Variants in VPS41 observed in about 807,000 individuals in gnomAD.
VPS41 encodes the protein vacuolar protein sorting-associated protein 41 homolog.
Under a neutral mutation model 130.9 loss-of-function variants are expected in VPS41, and 85 were observed. That is an observed-to-expected ratio of 0.65 (90% CI 0.55 to 0.78). The LOEUF (loss-of-function observed/expected upper bound fraction) is 0.78, where lower values mean the gene tolerates loss of function less well. VPS41 is among the 30% of genes least tolerant of loss of function. VPS41 has a pLI of 0.00. For synonymous variants in VPS41, 335 were observed against 332.9 expected (o/e 1.01, Z -0.07); for missense variants, 874 against 1,018.7 (o/e 0.86, Z 1.93).
intron 27 of VPS41, chr7:38,728,273 G>T (rs1795587400): frequency 1.7e-6 from 1 of 603,672 alleles, no homozygotes; most frequent in African/African-American, 1.9e-5. Flanking sequence ...TGGAACCAGA[G>T]ACTCTAGGGA....
chr7:38,793,231 A>C (rs1221103471), intron 9 of VPS41, among the ~76,000 whole-genome samples: 1 of 152,216 alleles, frequency 6.6e-6, no homozygotes, highest in African/African-American at 2.4e-5. Flanking sequence ...TGTGTTCTGC[A>C]ACACTAGAAC....
intron 10 of VPS41, among the ~76,000 whole-genome samples, chr7:38,786,858 T>C (rs140740200): frequency 2.6e-5 from 4 of 152,084 alleles, no homozygotes; most frequent in Admixed American, 2.0e-4. Context: ...CTGTAACCCA[T>C]ATAGCTGAAT....
At chr7:38,850,091 G>C (rs534245784) in intron 4 of VPS41, among the ~76,000 whole-genome samples, 4 of 152,202 alleles carry the variant, frequency 2.6e-5, no homozygotes, top group African/African-American at 7.2e-5. Flanking sequence ...CAGACTAGCA[G>C]ACATTTGTCA....
intron 25 of VPS41, among the ~76,000 whole-genome samples, chr7:38,739,854 G>T (rs1483806541): frequency 6.6e-6 from 1 of 152,132 alleles, no homozygotes; most frequent in Non-Finnish European, 1.5e-5. Context: ...ATATCTTAAG[G>T]AAAAGCTCTA....
Position 38,785,194 on chromosome 7 carries a change from C to T in VPS41, c.784+4607G>A, listed in dbSNP as rs116170610. Among the ~76,000 whole-genome samples the T allele has an allele frequency of 5.5e-3, 841 of 152,320 alleles. 7 individuals carry two copies. The highest frequency in any genetic ancestry group is 0.018 in the African/African-American group (761 of 41,556). On this transcript the variant is annotated intron_variant, in intron 10 of 28. Coordinates refer to ENST00000310301, the MANE Select transcript of VPS41 (RefSeq NM_014396.4). ...TTTTCAATAAGTTTAGACATTCTGT[C>T]AGCATGACCACTTATCACTGAAAAT...
chr7:38,789,027 T>G (rs1455788051), intron 10 of VPS41, among the ~76,000 whole-genome samples: 1 of 152,158 alleles, frequency 6.6e-6, no homozygotes, highest in Non-Finnish European at 1.5e-5. Flanking sequence ...ATATGGCAAT[T>G]TTTTTTCTCA....
At chr7:38,729,845 C>T (rs1795627074) in intron 25 of VPS41, among the ~76,000 whole-genome samples, 1 of 152,196 alleles carries the variant, frequency 6.6e-6, no homozygotes, top group Non-Finnish European at 1.5e-5. Flanking sequence ...CCACCCTTTG[C>T]TGGGTTTTCT....
At chr7:38,887,115 T>G (rs1786750128) in intron 2 of VPS41, among the ~76,000 whole-genome samples, 1 of 152,040 alleles carries the variant, frequency 6.6e-6, no homozygotes, top group Non-Finnish European at 1.5e-5. Flanking sequence ...CCAAAACACC[T>G]CTTCTCCTCC....
chr7:38,901,354 G>A (rs770238302), intron 1 of VPS41, among the ~76,000 whole-genome samples: 6 of 152,132 alleles, frequency 3.9e-5, no homozygotes, highest in Non-Finnish European at 7.3e-5. Context: ...AGAAAAGAGC[G>A]TTATTTGGCT....
chr7:38,767,748 A>G, intron 14 of VPS41, 150 bp from the exon 15 acceptor site: 5 of 439,602 alleles, frequency 1.1e-5, no homozygotes, highest in Non-Finnish European at 2.0e-5. Context: ...ATGTAATTAC[A>G]CTTGCTTCTT....
intron 5 of VPS41, among the ~76,000 whole-genome samples, chr7:38,828,823 T>C (rs1478777253): frequency 6.6e-6 from 1 of 152,214 alleles, no homozygotes; most frequent in Non-Finnish European, 1.5e-5. Context: ...CTGAGGTTCA[T>C]CTTATCCACC....
Position 38,909,157 on chromosome 7 carries a change from C to A in VPS41, c.18G>T (p.Glu6Asp). ...AACTACCACCTGCACCCTTTACCTG[C>A]TCCTCTGCTTCCGCCATGGCGCCAC... The part of the protein sequence containing the change: MAEAE[E>D]QETGSLEEST... The change falls in exon 1 of 29, where the codon GAG becomes GAT. Residue 6 changes from glutamate (E) to aspartate (D), a missense_variant. By Grantham distance (45) the Glu-to-Asp change is conservative. Coordinates refer to ENST00000310301, the MANE Select transcript of VPS41 (RefSeq NM_014396.4). The A allele has an allele frequency of 6.2e-7, 1 of 1,614,248 alleles. No homozygotes were observed. The highest frequency in any genetic ancestry group is 2.2e-5 in the East Asian group (1 of 44,878).
At chr7:38,801,050 C>T (rs1004490452) in intron 7 of VPS41, among the ~76,000 whole-genome samples, 3 of 152,204 alleles carry the variant, frequency 2.0e-5, no homozygotes, top group African/African-American at 7.2e-5. Context: ...ACTTGGTGTG[C>T]TCCGAGCTAT....
Position 38,862,548 on chromosome 7 carries a change from A to T in VPS41, c.243T>A (p.Asp81Glu). The change falls in exon 4 of 29, where the codon GAT becomes GAA. Residue 81 changes from aspartate to glutamate, a missense_variant. Physicochemically the swap from Asp to Glu is conservative, Grantham distance 45 (BLOSUM62 2). Coordinates refer to ENST00000310301, the MANE Select transcript of VPS41 (RefSeq NM_014396.4). ...TTATTTTATACAGAATACTTACTAC[A>T]TCAAACTTCTGAGTGATGTTCCCCT... ...DVQGNITQKF[D>E]VSPVKINQIS... 1 of 1,594,682 alleles carries T rather than the reference A, an allele frequency of 6.3e-7. No homozygotes were observed. Among genetic ancestry groups the T allele is most frequent in the Non-Finnish European group, 8.6e-7 (1 of 1,165,302 alleles).
chr7:38,776,021 G>C (rs1478342706), intron 11 of VPS41, among the ~76,000 whole-genome samples: 1 of 152,082 alleles, frequency 6.6e-6, no homozygotes, highest in African/African-American at 2.4e-5. Context: ...ATAAAGACAA[G>C]CTGGGAATGG....
chr7:38,898,994 C>T (rs4723804), intron 1 of VPS41, among the ~76,000 whole-genome samples: 138,188 of 152,294 alleles, frequency 0.91, 62,768 homozygotes, highest in East Asian at 0.99. Context: ...ATAACTAATA[C>T]ATTTTCAAGA....
chr7:38,826,384 C>A (rs902553956), intron 5 of VPS41, among the ~76,000 whole-genome samples: 1 of 152,078 alleles, frequency 6.6e-6, no homozygotes, highest in Admixed American at 6.5e-5. Context: ...TCCAAAGATT[C>A]AAAGGGAGAA....
At chr7:38,855,312 G>A (rs867045853) in intron 4 of VPS41, among the ~76,000 whole-genome samples, 1 of 151,960 alleles carries the variant, frequency 6.6e-6, no homozygotes, top group East Asian at 1.9e-4. Flanking sequence ...AAAGAGAGAG[G>A]AGAGAAGGAA....
rs28520398 is a variant in VPS41 at position 38,745,462 on chromosome 7, G to A, written c.1981+97C>T. On this transcript the variant is annotated intron_variant, in intron 23 of 28. Transcript: ENST00000310301. ...AAAATAGGCTCATATTCTGTGTTAC[G>A]TTGGTCTAAAACCTATGTCCTTTCT... The A allele has an allele frequency of 0.25, 235,362 of 929,404 alleles. 34,282 individuals carry two copies. The highest frequency in any genetic ancestry group is 0.31 in the Non-Finnish European group (177,617 of 570,388). The allele number at this position is 929,404 out of a possible 1,614,324, so 57.6% of individuals were successfully genotyped here.
Sources: allele counts gnomAD v4.1 joint callset (sites outside exome capture counted in the v4.1 genomes callset), GRCh38; gene constraint gnomAD v4.1.1; transcripts MANE v1.5; gene names NCBI Gene and HGNC (gene_info 2026-07-23, HGNC 2026-07-21).